Variants in UGT2B7 observed in about 807,000 individuals in gnomAD.
UGT2B7 encodes the protein UDP glucuronosyltransferase family 2 member B7, also known as UDP-glucuronosyltransferase 2B7.
A neutral mutation model predicts 51.9 loss-of-function variants in UGT2B7; 51 were observed. The ratio of observed to expected loss-of-function variants is 0.98; its 90% CI spans 0.78 to 1.24. UGT2B7 has a LOEUF of 1.24. Ranked by LOEUF, UGT2B7 falls within the 50% of genes most tolerant of loss-of-function variation. The pLI is 0.00. For missense variants in UGT2B7, 727 were observed against 628.4 expected (o/e 1.16, Z -1.68); for synonymous variants, 225 against 211.6 (o/e 1.06, Z -0.55).
At chr4:69,104,481 A>G (rs1220898513) in intron 3 of UGT2B7, among the ~76,000 whole-genome samples, 15 of 152,182 alleles carry the variant, frequency 9.9e-5, no homozygotes, top group Admixed American at 9.2e-4. Context: ...ACAAATTAAA[A>G]AAAAGAAACT....
chr4:69,069,840 G>C (rs1242480543), intron 1 of UGT2B7: 1 of 152,104 alleles, frequency 6.6e-6, no homozygotes, highest in African/African-American at 2.4e-5. Context: ...ATAATATGTT[G>C]CTTGATTATC....
chr4:69,068,618 G>T (rs956156625), intron 1 of UGT2B7, among the ~76,000 whole-genome samples: 2 of 151,850 alleles, frequency 1.3e-5, no homozygotes, highest in African/African-American at 4.8e-5. Flanking sequence ...GAATGTGTAT[G>T]ACACACATTG....
chr4:69,098,040 G>C (rs1054338587), intron 1 of UGT2B7, among the ~76,000 whole-genome samples: 1 of 151,940 alleles, frequency 6.6e-6, no homozygotes, highest in Non-Finnish European at 1.5e-5. Flanking sequence ...GTTGGTACAA[G>C]GATTTCAGCC....
At chr4:69,102,395 C>A (rs549481425) in intron 2 of UGT2B7, among the ~76,000 whole-genome samples, 1 of 152,022 alleles carries the variant, frequency 6.6e-6, no homozygotes. Context: ...GAAATAAACA[C>A]AAGGGATTTA....
chr4:69,063,970 C>T (rs1399774372), intron 1 of UGT2B7, among the ~76,000 whole-genome samples: 1 of 144,978 alleles, frequency 6.9e-6, no homozygotes, highest in African/African-American at 2.6e-5. Context: ...ATAGTGATGC[C>T]TTCTATTGAA....
At chr4:69,094,391 G>A (rs1385117093), upstream of UGT2B7, among the ~76,000 whole-genome samples, 7 of 29,146 alleles carry the variant, frequency 2.4e-4, 1 homozygote, top group African/African-American at 8.8e-4. Context: ...CTCGTGATCC[G>A]CCCGCCTCGG....
chr4:69,107,984 A>T (rs191158058), intron 4 of UGT2B7, 119 bp from the exon 5 acceptor site: 82 of 1,346,688 alleles, frequency 6.1e-5, no homozygotes, highest in Admixed American at 1.3e-4. Flanking sequence ...CGAAGTCTGA[A>T]ACACAATTTT....
At chr4:69,083,862 A>T (rs35749478) in intron 1 of UGT2B7, among the ~76,000 whole-genome samples, 87,280 of 150,774 alleles carry the variant, frequency 0.58, 26,123 homozygotes, top group African/African-American at 0.72. Context: ...CCAGTGGATG[A>T]CCTTTCTTTT....
At chr4:69,081,556 A>G (rs1222381870) in intron 1 of UGT2B7, among the ~76,000 whole-genome samples, 1 of 152,142 alleles carries the variant, frequency 6.6e-6, no homozygotes, top group African/African-American at 2.4e-5. Context: ...AATTTCAACC[A>G]AAATTTTTCT....
intron 4 of UGT2B7, among the ~76,000 whole-genome samples, chr4:69,107,502 C>A (rs755206324): frequency 1.9e-4 from 29 of 152,092 alleles, no homozygotes; most frequent in Admixed American, 4.6e-4. Context: ...GTTATTATAT[C>A]TCACAAAATT....
intron 1 of UGT2B7, among the ~76,000 whole-genome samples, chr4:69,077,944 A>G (rs993902570): frequency 2.0e-5 from 3 of 152,046 alleles, no homozygotes; most frequent in Non-Finnish European, 4.4e-5. Flanking sequence ...TTATTTTGAG[A>G]TATGTTCCAT....
At chr4:69,059,197 C>T (rs1375696719) in intron 1 of UGT2B7, among the ~76,000 whole-genome samples, 2 of 152,188 alleles carry the variant, frequency 1.3e-5, no homozygotes, top group African/African-American at 4.8e-5. Flanking sequence ...TTATGGTAGA[C>T]ACCAGAGCTA....
At chr4:69,083,039 AC>A (rs1321953064) in intron 1 of UGT2B7, among the ~76,000 whole-genome samples, 2 of 152,110 alleles carry the variant, frequency 1.3e-5, no homozygotes, top group Non-Finnish European at 2.9e-5. Context: ...TTGCCTGTGT[AC>A]TATAAATAGA....
chr4:69,103,462 C>T (rs7442453), intron 3 of UGT2B7, among the ~76,000 whole-genome samples: 89,974 of 151,890 alleles, frequency 0.59, 28,020 homozygotes, highest in African/African-American at 0.77. Context: ...CAAAAGGCAA[C>T]TTGAGACCCA....
At chr4:69,088,054 T>C (rs1719001132) in intron 1 of UGT2B7, among the ~76,000 whole-genome samples, 2 of 152,020 alleles carry the variant, frequency 1.3e-5, no homozygotes, top group Non-Finnish European at 2.9e-5. Context: ...CTTTAAGAAC[T>C]CCTATTATAT....
chr4:69,089,736 A>T (rs948815745), intron 2 of UGT2B7: 2 of 152,206 alleles, frequency 1.3e-5, no homozygotes, highest in African/African-American at 4.8e-5. Flanking sequence ...AATTTAAAGC[A>T]TTATAGTAGT....
At chr4:69,067,046 G>C (rs1458030087) in intron 1 of UGT2B7, among the ~76,000 whole-genome samples, 1 of 152,068 alleles carries the variant, frequency 6.6e-6, no homozygotes, top group East Asian at 1.9e-4. Flanking sequence ...ATTTCTCTAA[G>C]AGAACAAGTT....
chr4:69,056,184 G>C (rs1424045224), intron 1 of UGT2B7, among the ~76,000 whole-genome samples: 1 of 152,128 alleles, frequency 6.6e-6, no homozygotes, highest in Middle Eastern at 3.2e-3. Flanking sequence ...CACAGCCATA[G>C]GTGATTAAAA....
At chr4:69,054,062 T>C (rs1718116009) in intron 1 of UGT2B7, among the ~76,000 whole-genome samples, 1 of 152,076 alleles carries the variant, frequency 6.6e-6, no homozygotes, top group Admixed American at 6.5e-5. Context: ...TTTAAGTCAA[T>C]ATTTTGGTAG....
Sources: allele counts gnomAD v4.1 joint callset (sites outside exome capture counted in the v4.1 genomes callset), GRCh38; gene constraint gnomAD v4.1.1; transcripts MANE v1.5; gene names NCBI Gene and HGNC (gene_info 2026-07-23, HGNC 2026-07-21).